Variants in EXOC6B observed in about 807,000 individuals in gnomAD.
EXOC6B encodes exocyst complex component 6B, also known as SEC15 homolog B.
Under a neutral mutation model 113.5 loss-of-function variants are expected in EXOC6B, and 54 were observed. That is an observed-to-expected ratio of 0.48 (90% CI 0.38 to 0.60). EXOC6B has a LOEUF of 0.60. EXOC6B is among the 20% of genes least tolerant of loss of function. The pLI, the probability that EXOC6B is intolerant of heterozygous loss-of-function variation, is 0.00. For missense variants in EXOC6B, 797 were observed against 977.5 expected, an observed-to-expected ratio of 0.82 and a Z score of 2.46; for synonymous variants, 357 against 339.0, an observed-to-expected ratio of 1.05 and a Z score of -0.58.
chr2:72,311,180 A>G (rs1687165218), intron 20 of EXOC6B, among the ~76,000 whole-genome samples: 2 of 152,234 alleles, frequency 1.3e-5, no homozygotes, highest in African/African-American at 4.8e-5. Flanking sequence ...GAATTTTATT[A>G]CCTCATAGTT....
chr2:72,465,905 A>C (rs1349051855), intron 17 of EXOC6B, among the ~76,000 whole-genome samples: 2 of 152,190 alleles, frequency 1.3e-5, no homozygotes, highest in African/African-American at 2.4e-5. Context: ...TTCTCTGGAC[A>C]CAAATCTTCT....
At chr2:72,777,214 A>T (rs1262059419) in intron 1 of EXOC6B, among the ~76,000 whole-genome samples, 3 of 152,200 alleles carry the variant, frequency 2.0e-5, no homozygotes, top group African/African-American at 7.2e-5. Context: ...ACTGCACTCC[A>T]GCCTGGGCAA....
intron 13 of EXOC6B, 142 bp from the exon 14 acceptor site, chr2:72,496,701 G>A (rs1700053655): frequency 1.5e-6 from 1 of 653,658 alleles, no homozygotes; most frequent in Non-Finnish European, 2.7e-6. Flanking sequence ...AACCCAAAAT[G>A]AACATTTCCC....
intron 20 of EXOC6B, among the ~76,000 whole-genome samples, chr2:72,279,862 G>A (rs1045774361): frequency 2.6e-5 from 4 of 151,518 alleles, no homozygotes; most frequent in African/African-American, 9.7e-5. Flanking sequence ...GGCTGGTCTC[G>A]AATTCGTGAG....
chr2:72,625,141 C>G (rs1472079512), intron 6 of EXOC6B, among the ~76,000 whole-genome samples: 2 of 151,334 alleles, frequency 1.3e-5, no homozygotes, highest in African/African-American at 2.4e-5. Context: ...AGGCTGGTCT[C>G]CTAGCGTCAG....
chr2:72,742,505 C>G (rs1279729133), intron 1 of EXOC6B, among the ~76,000 whole-genome samples: 2 of 152,058 alleles, frequency 1.3e-5, no homozygotes, highest in Non-Finnish European at 2.9e-5. Context: ...CTACACATCC[C>G]TCTTCCCTTC....
At chr2:72,452,781 T>G (rs1696990972) in intron 18 of EXOC6B, among the ~76,000 whole-genome samples, 1 of 152,206 alleles carries the variant, frequency 6.6e-6, no homozygotes, top group Non-Finnish European at 1.5e-5. Context: ...TATTAAAAAT[T>G]TCTGAACAGA....
intron 6 of EXOC6B, among the ~76,000 whole-genome samples, chr2:72,708,926 T>G (rs1429311621): frequency 2.2e-5 from 3 of 133,478 alleles, no homozygotes; most frequent in Non-Finnish European, 4.9e-5. Flanking sequence ...TTTTTTTTTG[T>G]AGAGACAAAG....
In EXOC6B at chr2:72,278,257, A is replaced by T. The variant is rs148969366; in HGVS notation, c.2196+56690T>A. On this transcript the variant is annotated intron_variant, in intron 20 of 21. Coordinates refer to ENST00000272427, the MANE Select transcript of EXOC6B (RefSeq NM_015189.3). ...CATATGAGACTAGTCATCACATCAGACTCTATTCATTGCAGAAACACTCCA... is the reference window on the plus strand; with the variant it reads ...CATATGAGACTAGTCATCACATCAGTCTCTATTCATTGCAGAAACACTCCA... Among the ~76,000 whole-genome samples, 817 of 152,216 alleles carry T rather than the reference A, an allele frequency of 5.4e-3. 8 individuals carry two copies. The highest frequency in any genetic ancestry group is 0.018 in the African/African-American group (760 of 41,538).
intron 8 of EXOC6B, 91 bp downstream of exon 8, chr2:72,559,362 A>T: frequency 2.3e-6 from 2 of 859,138 alleles, no homozygotes; most frequent in Non-Finnish European, 3.3e-6. Context: ...TTTCACTCTT[A>T]ATAATAAACA....
chr2:72,575,566 T>C lies in EXOC6B; in HGVS notation c.772A>G (p.Ile258Val), dbSNP rs1704788190. 6.2e-7 allele frequency: 1 copy of C among 1,611,908 alleles called. No homozygotes were observed. Among genetic ancestry groups the C allele is most frequent in the Admixed American group, 1.7e-5 (1 of 59,640 alleles). ...KDAYIIFDTE[I>V]ESTSPKSEQD... ...TCAGACTTCGGACTAGTACTTTCTA[T>C]CTCTGTATCAAAGATTATATATGCA... The change falls in exon 7 of 22, where the codon ATA becomes GTA. Residue 258 changes from isoleucine (I) to valine (V), a missense_variant. Ile to Val is a conservative substitution (Grantham distance 29, BLOSUM62 3). Transcript: ENST00000272427.
intron 6 of EXOC6B, among the ~76,000 whole-genome samples, chr2:72,706,342 A>C (rs760796050): frequency 5.3e-5 from 8 of 152,168 alleles, no homozygotes; most frequent in Non-Finnish European, 1.2e-4. Flanking sequence ...AGAGGACATA[A>C]GGAATGTAAT....
At chr2:72,503,866 G>A (rs1001784316) in intron 11 of EXOC6B, among the ~76,000 whole-genome samples, 4 of 95,250 alleles carry the variant, frequency 4.2e-5, no homozygotes, top group East Asian at 9.3e-4. Context: ...GGTGTGGTTC[G>A]TGTTCTGGAT....
intron 8 of EXOC6B, among the ~76,000 whole-genome samples, chr2:72,551,009 T>C (rs1703190641): frequency 6.6e-6 from 1 of 151,116 alleles, no homozygotes; most frequent in Non-Finnish European, 1.5e-5. Flanking sequence ...ATTTATTAAA[T>C]GACAATTATG....
At chr2:72,470,622 C>A (rs969417501) in intron 17 of EXOC6B, among the ~76,000 whole-genome samples, 1 of 150,574 alleles carries the variant, frequency 6.6e-6, no homozygotes, top group Non-Finnish European at 1.5e-5. Context: ...CCCCCCTCCC[C>A]CTACCCCACA....
chr2:72,559,473 G>A lies in EXOC6B; in HGVS notation c.895C>T (p.Leu299=). ...CTCACCAGGACAGAATATATATGTA[G>A]ACATCGATAAACTGGAGAGAAATCC... ...LVDFSPVYRC[L]HIYSVLGARE... is the part of the protein sequence containing the mutation. Residue 299 remains leucine, a synonymous_variant, in exon 8 of 22, where the codon CTA becomes TTA. Transcript: ENST00000272427. The A allele has an allele frequency of 6.2e-7, 1 of 1,612,546 alleles. No individual in the cohort carries two copies. Among genetic ancestry groups the A allele is most frequent in the East Asian group, 2.2e-5 (1 of 44,786 alleles).
At chr2:72,575,459 T>C (rs377140088) in intron 7 of EXOC6B, 33 bp downstream of exon 7, 35 of 1,583,318 alleles carry the variant, frequency 2.2e-5, no homozygotes, top group Middle Eastern at 1.7e-4. Context: ...AGCTTAAAAA[T>C]AGTCTCACTT....
intron 7 of EXOC6B, among the ~76,000 whole-genome samples, chr2:72,568,045 G>A (rs939306449): frequency 2.6e-5 from 4 of 151,934 alleles, no homozygotes; most frequent in Admixed American, 6.6e-5. Flanking sequence ...AAAGTGGGAC[G>A]GGTACCTTTA....
chr2:72,677,189 T>C (rs1371663600), intron 6 of EXOC6B, among the ~76,000 whole-genome samples: 1 of 152,088 alleles, frequency 6.6e-6, no homozygotes, highest in Non-Finnish European at 1.5e-5. Context: ...ACCCTAGAAC[T>C]TCCTTCCTGT....
Sources: allele counts gnomAD v4.1 joint callset (sites outside exome capture counted in the v4.1 genomes callset), GRCh38; gene constraint gnomAD v4.1.1; transcripts MANE v1.5; gene names NCBI Gene and HGNC (gene_info 2026-07-23, HGNC 2026-07-21).